Variants in SYNE2 observed in about 807,000 individuals in gnomAD.
SYNE2 encodes nesprin-2.
A neutral mutation model predicts 856.3 loss-of-function variants in SYNE2; 431 were observed. The ratio of observed to expected loss-of-function variants is 0.50; its 90% confidence interval spans 0.47 to 0.55. The LOEUF (loss-of-function observed/expected upper bound fraction) is 0.55. Among genes scored for constraint, SYNE2 ranks in the 20% least tolerant of loss-of-function variants. SYNE2 has a pLI of 0.00. For missense variants in SYNE2, 8,129 were observed against 8,023.2 expected (o/e 1.01, Z -0.50); for synonymous variants, 2,923 against 2,872.3 (o/e 1.02, Z -0.56).
At chr14:63,859,446 A>C (rs563673120) in intron 1 of SYNE2, among the ~76,000 whole-genome samples, 2 of 151,878 alleles carry the variant, frequency 1.3e-5, no homozygotes, top group Non-Finnish European at 2.9e-5. Context: ...TAGTCTTTTA[A>C]ATTTATTCCT....
chr14:64,018,000 G>A (rs546349164), intron 34 of SYNE2, among the ~76,000 whole-genome samples: 1 of 152,086 alleles, frequency 6.6e-6, no homozygotes, highest in Non-Finnish European at 1.5e-5. Flanking sequence ...CTAGTATTAC[G>A]TATCACAAAT....
At chr14:64,132,178 A>G in intron 76 of SYNE2, 87 bp from the exon 77 acceptor site, 1 of 1,503,096 alleles carries the variant, frequency 6.7e-7, no homozygotes, top group Non-Finnish European at 9.2e-7. Flanking sequence ...TTAAAACAAA[A>G]ATAACTGGAT....
At chr14:64,184,250 G>A (rs1255981) in intron 96 of SYNE2, among the ~76,000 whole-genome samples, 9,853 of 152,010 alleles carry the variant, frequency 0.065, 572 homozygotes, top group East Asian at 0.34. Context: ...CACTGAATCC[G>A]TGAGCAGTGT....
chr14:64,002,225 G>A lies in SYNE2; in HGVS notation c.3786+144G>A, dbSNP rs2096760885. ...GTTTTTTTTTCAGTAATTTAGACTT[G>A]TTTTTTATTTCTTAACTCTTTAATT... On this transcript the variant is annotated intron_variant, in intron 29 of 115. Transcript: ENST00000555002. 6.7e-6 allele frequency: 5 copies of A among 747,504 alleles called. No homozygotes were observed. The East Asian group carries it at 1.3e-4, about 20-fold the overall frequency. 46.3% of individuals were successfully genotyped at this position (747,504 alleles called of 1,614,324 possible).
intron 1 of SYNE2, among the ~76,000 whole-genome samples, chr14:63,903,790 A>T (rs2095369706): frequency 6.8e-6 from 1 of 146,744 alleles, no homozygotes; most frequent in East Asian, 2.0e-4. Flanking sequence ...TATTTGATTA[A>T]TATTCAATGA....
chr14:63,913,546 T>C (rs1231413561), intron 2 of SYNE2, among the ~76,000 whole-genome samples: 1 of 151,122 alleles, frequency 6.6e-6, no homozygotes, highest in South Asian at 2.1e-4. Context: ...CACTGCAACC[T>C]CCGCCTCCAG....
intron 49 of SYNE2, among the ~76,000 whole-genome samples, chr14:64,060,752 C>A (rs2097310534): frequency 6.6e-6 from 1 of 152,102 alleles, no homozygotes; most frequent in Non-Finnish European, 1.5e-5. Flanking sequence ...TCTCGACAAC[C>A]TTTCAAGTTT....
intron 22 of SYNE2, among the ~76,000 whole-genome samples, 160 bp from the exon 23 acceptor site, chr14:63,994,884 G>A (rs902191738): frequency 1.1e-4 from 16 of 152,208 alleles, no homozygotes; most frequent in Middle Eastern, 3.4e-3. Flanking sequence ...AGCCTGGGAT[G>A]TTTTAAAACA....
rs202157687 is a variant in SYNE2 at position 64,212,088 on chromosome 14, G to A, written c.18851G>A (p.Arg6284His). ...GAGAGTGACGCCGATGACAAGATGC[G>A]CCAACTGAATGTGAGGGCTGCTGCT... ...FSESDADDKM[R>H]QLNGFQQEIT... The change falls in exon 104 of 116, where the codon CGC (arginine) becomes CAC (histidine). Residue 6284 changes from arginine to histidine, a missense_variant. Arg to His is a conservative substitution (Grantham distance 29). Transcript: ENST00000555002. 15 of 1,614,042 alleles carry A rather than the reference G, an allele frequency of 9.3e-6. No individual in the cohort carries two copies. The highest frequency in any genetic ancestry group is 4.5e-5 in the East Asian group (2 of 44,886).
chr14:64,031,181 G>A lies in SYNE2; in HGVS notation c.7045G>A (p.Ala2349Thr). 1 of 1,614,156 alleles carries A rather than the reference G, an allele frequency of 6.2e-7. No homozygotes were observed. The highest frequency in any genetic ancestry group is 8.5e-7 in the Non-Finnish European group (1 of 1,180,020). Residue 2349 changes from alanine to threonine, a missense_variant, in exon 45 of 116, where the codon GCT becomes ACT. This residue lies in a region of SYNE2 where 297 missense variants were observed against 380.9 expected (regional missense o/e 0.78). Coordinates refer to ENST00000555002, the MANE Select transcript of SYNE2 (RefSeq NM_182914.3). ...AGATTTGGAAAACAGGCTTGCATCT[G>A]CTAAGCAGGAGATGGAATGTTGTCT... ...QKDLENRLASAKQEMECCLNS... is the reference protein window; with the variant it reads ...QKDLENRLASTKQEMECCLNS...
intron 96 of SYNE2, among the ~76,000 whole-genome samples, chr14:64,182,243 T>TA (rs1168646083): frequency 2.0e-5 from 3 of 152,326 alleles, no homozygotes; most frequent in East Asian, 1.9e-4. Context: ...CCATGTTACG[T>TA]AAAAAATTGG....
intron 36 of SYNE2, 48 bp from the exon 37 acceptor site, chr14:64,021,809 T>C: frequency 6.3e-7 from 1 of 1,594,204 alleles, no homozygotes; most frequent in Middle Eastern, 1.7e-4. Flanking sequence ...TTTGTGTAAT[T>C]TGAGCCTGTT....
chr14:63,996,559 G>A (rs1045648956), intron 23 of SYNE2, among the ~76,000 whole-genome samples: 2 of 151,932 alleles, frequency 1.3e-5, no homozygotes, highest in South Asian at 2.1e-4. Context: ...CATTATCTTC[G>A]TGCTTTTCGT....
At chr14:64,188,789 G>A (rs771058447) in intron 98 of SYNE2, 81 bp downstream of exon 98, 30 of 1,427,334 alleles carry the variant, frequency 2.1e-5, no homozygotes, top group Middle Eastern at 3.5e-4. Flanking sequence ...CCAAACAGGG[G>A]CAATGTTACG....
At chr14:64,060,482 C>G (rs1322969970) in intron 49 of SYNE2, among the ~76,000 whole-genome samples, 1 of 152,084 alleles carries the variant, frequency 6.6e-6, no homozygotes, top group Non-Finnish European at 1.5e-5. Context: ...ATGACTCTGC[C>G]CAGTACCCAG....
intron 1 of SYNE2, among the ~76,000 whole-genome samples, chr14:63,882,988 CTGTTT>C (rs1234274761): frequency 4.3e-5 from 5 of 115,494 alleles, no homozygotes; most frequent in South Asian, 3.2e-4. Context: ...AGTAAGCACT[CTGTTT>C]TTTTTTTTTT....
At chr14:63,925,861 C>A (rs1220593749) in intron 2 of SYNE2, among the ~76,000 whole-genome samples, 1 of 151,824 alleles carries the variant, frequency 6.6e-6, no homozygotes, top group African/African-American at 2.4e-5. Context: ...TTTTTTCTTT[C>A]CTTCTTTTTT....
chr14:63,773,341 G>C (rs954933714), intron 1 of SYNE2, among the ~76,000 whole-genome samples: 1 of 151,666 alleles, frequency 6.6e-6, no homozygotes, highest in Non-Finnish European at 1.5e-5. Context: ...CTGGTACCAC[G>C]GGTGCACACG....
chr14:63,784,443 G>A (rs1296623853), intron 1 of SYNE2, among the ~76,000 whole-genome samples: 2 of 152,146 alleles, frequency 1.3e-5, no homozygotes, highest in South Asian at 2.1e-4. Flanking sequence ...GTTGCAGTGA[G>A]CTGAGATCGT....
Sources: gnomAD v4.1 joint callset for allele counts (sites outside exome capture counted in the v4.1 genomes callset) on GRCh38, gnomAD v4.1.1 for gene constraint, gnomAD v4.1.1 regional missense constraint, MANE v1.5 for transcripts, NCBI Gene and HGNC (gene_info 2026-07-23, HGNC 2026-07-21) for gene names.